Variants in GIT2 observed in about 807,000 individuals in gnomAD.
GIT2 encodes the protein ARF GTPase-activating protein GIT2.
A neutral mutation model predicts 100.3 loss-of-function variants in GIT2; 32 were observed. The observed-to-expected ratio is 0.32, with a 90% CI of 0.24 to 0.43. GIT2 has a LOEUF of 0.43. GIT2 is among the 20% of genes least tolerant of loss of function. The pLI is 1.00. For missense variants in GIT2, 737 were observed against 975.1 expected (o/e 0.76, Z 3.25); for synonymous variants, 353 against 364.1 (o/e 0.97, Z 0.35).
chr12:109,977,340 ATC>A (rs1182668719), intron 7 of GIT2, among the ~76,000 whole-genome samples: 1 of 152,132 alleles, frequency 6.6e-6, no homozygotes, highest in Admixed American at 6.6e-5. Flanking sequence ...GTGAAACCCC[ATC>A]TCTACAAAAA....
intron 16 of GIT2, among the ~76,000 whole-genome samples, chr12:109,944,506 G>A (rs1347138218): frequency 6.6e-6 from 1 of 152,196 alleles, no homozygotes; most frequent in Non-Finnish European, 1.5e-5. Flanking sequence ...CAGTGCCTTT[G>A]GGAGCAGGGG....
intron 16 of GIT2, chr12:109,943,040 G>A (rs1343043060): frequency 6.6e-6 from 1 of 152,144 alleles, no homozygotes; most frequent in African/African-American, 2.4e-5. Context: ...TAGGTTTGCA[G>A]TTTTCTCTGA....
At chr12:109,966,278 G>C (rs1329512795) in intron 8 of GIT2, among the ~76,000 whole-genome samples, 2 of 100 alleles carry the variant, frequency 0.02, no homozygotes, top group South Asian at 0.1. Flanking sequence ...ACAGGTGTGA[G>C]CCACTGCCCT....
chr12:109,954,925 A>G, intron 12 of GIT2, among the ~76,000 whole-genome samples: 1 of 152,080 alleles, frequency 6.6e-6, no homozygotes, highest in East Asian at 1.9e-4. Context: ...AATAATAATA[A>G]AGGATAGATC....
intron 18 of GIT2, among the ~76,000 whole-genome samples, chr12:109,938,083 CCCTGTCCCCCT>C (rs996286351): frequency 3.1e-4 from 47 of 152,158 alleles, no homozygotes; most frequent in African/African-American, 1.1e-3. Flanking sequence ...GTAAGGTAGC[CCCTGTCCCCCT>C]CCTAGAACTA....
chr12:109,972,500 G>T (rs1383092361), intron 7 of GIT2, among the ~76,000 whole-genome samples: 2 of 148,742 alleles, frequency 1.3e-5, no homozygotes, highest in East Asian at 3.9e-4. Context: ...ACACAGTCTC[G>T]CTCTGTCGCC....
chr12:109,980,040 G>GGGCGCGGCTTTCTTGCAA (rs1307923089), intron 7 of GIT2, among the ~76,000 whole-genome samples: 2 of 152,124 alleles, frequency 1.3e-5, no homozygotes, highest in African/African-American at 4.8e-5. Flanking sequence ...ATAAATAATT[G>GGGCGCGGCTTTCTTGCAA]GGCGCGGCTT....
upstream of GIT2, chr12:109,999,523 C>A: frequency 2.6e-6 from 1 of 377,648 alleles, no homozygotes; most frequent in Non-Finnish European, 4.4e-6. This position sits in a 1 kb window ranked among gnomAD's most constrained non-coding sequence, Gnocchi z 4.3. Context: ...CCGGCGACCC[C>A]GGACCTCCCG....
Position 109,948,351 on chromosome 12 carries a change from G to A in GIT2, c.1393-847C>T. On this transcript the variant is annotated intron_variant, in intron 14 of 19. Coordinates refer to ENST00000355312, the MANE Select transcript of GIT2 (RefSeq NM_057169.5). The surrounding 1 kb of genome is among the most constrained non-coding windows in gnomAD (Gnocchi z 4.3). ...ACCCAAAAAACACGACCTCAGTGGT[G>A]TCAGCTTTGAACATGCTAATCTGCC... 1.0e-6 allele frequency: 1 copy of A among 989,228 alleles called. No individual in the cohort carries two copies. Among genetic ancestry groups the A allele is most frequent in the Non-Finnish European group, 1.2e-6 (1 of 832,486 alleles). 61.3% of individuals were successfully genotyped at this position (989,228 alleles called of 1,614,324 possible).
chr12:109,945,157 C>T (rs776993886), intron 16 of GIT2, 103 bp downstream of exon 16: 13 of 685,614 alleles, frequency 1.9e-5, no homozygotes, highest in Admixed American at 8.4e-5. Context: ...TCATGCAGGA[C>T]GGAAGGGCAG....
intron 4 of GIT2, among the ~76,000 whole-genome samples, chr12:109,987,146 G>T (rs1237606371): frequency 1.3e-5 from 2 of 151,938 alleles, no homozygotes; most frequent in Non-Finnish European, 2.9e-5. Flanking sequence ...ACTTTGGGAG[G>T]CCGAGGCGGG....
In GIT2 at chr12:109,975,475, A is replaced by G. The variant is rs950507033; in HGVS notation, c.718+5477T>C. ...TAGGAGAATTGCTTCAGGCTCCCTG[A>G]AGTGTTGGGATTACAGGTGTGAGCC... On this transcript the variant is annotated intron_variant, in intron 7 of 19. Transcript: ENST00000355312. Among the ~76,000 whole-genome samples the G allele has an allele frequency of 3.3e-5, 5 of 152,106 alleles. 1 individual carries two copies. The South Asian group carries it at 1.0e-3, about 32-fold the overall frequency.
chr12:109,951,758 A>G (rs1055012631), intron 13 of GIT2, among the ~76,000 whole-genome samples: 26 of 152,142 alleles, frequency 1.7e-4, no homozygotes, highest in Non-Finnish European at 2.9e-4. Flanking sequence ...AGCATGAGAG[A>G]GTATATATAT....
intron 16 of GIT2, 79 bp from the exon 17 acceptor site, chr12:109,939,326 G>T: frequency 2.4e-6 from 2 of 833,094 alleles, no homozygotes; most frequent in Non-Finnish European, 2.1e-6. Flanking sequence ...ATTGTTACCT[G>T]TTAGGCTACT....
At chr12:109,992,404 C>A (rs986775153) in intron 1 of GIT2, among the ~76,000 whole-genome samples, 1 of 152,016 alleles carries the variant, frequency 6.6e-6, no homozygotes, top group Admixed American at 6.6e-5. Context: ...ACCTCGGCCT[C>A]CCAAAGTGCT....
chr12:109,948,304 C>T lies in GIT2; in HGVS notation c.1393-800G>A. ...TTCGGCCAGGGCTGGAATATTTGGCCTTTCTCTCCTTTGGCTTTGTCACCC... is the reference window on the plus strand; with the variant it reads ...TTCGGCCAGGGCTGGAATATTTGGCTTTTCTCTCCTTTGGCTTTGTCACCC... On this transcript the variant is annotated intron_variant, in intron 14 of 19. Transcript: ENST00000355312. This position sits in a 1 kb window ranked among gnomAD's most constrained non-coding sequence, Gnocchi z 4.3. 1 of 987,180 alleles carries T rather than the reference C, an allele frequency of 1.0e-6. No homozygotes were observed. Among genetic ancestry groups the T allele is most frequent in the Non-Finnish European group, 1.2e-6 (1 of 831,202 alleles). 61.2% of individuals were successfully genotyped at this position (987,180 alleles called of 1,614,324 possible).
chr12:109,948,639 G>A lies in GIT2; in HGVS notation c.1393-1135C>T, dbSNP rs1034384890. On this transcript the variant is annotated intron_variant, in intron 14 of 19. Transcript: ENST00000355312. The surrounding 1 kb of genome is among the most constrained non-coding windows in gnomAD (Gnocchi z 4.3). ...GAGTTCAGCTGTCTACTCTTTGACA[G>A]AGATTGTAAAATCTGACCAAATTCC... 3 of 1,427,800 alleles carry A rather than the reference G, an allele frequency of 2.1e-6. No homozygotes were observed. The African/African-American group carries it at 4.3e-5, about 21-fold the overall frequency. The allele number at this position is 1,427,800 out of a possible 1,614,324, so 88.4% of individuals were successfully genotyped here. A position where few individuals can be genotyped will look rare whatever the true frequency, so the allele number is the denominator to read the frequency against.
chr12:109,945,231 G>C, intron 16 of GIT2, 29 bp downstream of exon 16: 1 of 1,126,138 alleles, frequency 8.9e-7, no homozygotes, highest in South Asian at 1.3e-5. Context: ...CCCTCCTCCA[G>C]AGAGCAGACC....
At chr12:109,967,584 A>G in intron 7 of GIT2, 81 bp from the exon 8 acceptor site, 1 of 989,338 alleles carries the variant, frequency 1.0e-6, no homozygotes, top group Non-Finnish European at 1.6e-6. Flanking sequence ...TATTTCCTCA[A>G]ACTAAGTTTT....
Sources: allele counts gnomAD v4.1 joint callset (sites outside exome capture counted in the v4.1 genomes callset), GRCh38; gene constraint gnomAD v4.1.1; non-coding constraint Gnocchi (gnomAD v3.1); transcripts MANE v1.5; gene names NCBI Gene and HGNC (gene_info 2026-07-23, HGNC 2026-07-21).